Variants in SIRT3 observed in about 807,000 individuals in gnomAD.
The protein encoded by SIRT3 is NAD-dependent protein deacetylase sirtuin-3, mitochondrial.
In SIRT3, 26 loss-of-function variants were observed where a neutral mutation model predicts 33.5. That is an observed-to-expected ratio of 0.78 (90% CI 0.57 to 1.08). SIRT3 has a LOEUF of 1.08. Among genes scored for constraint, SIRT3 ranks in the 50% least tolerant of loss-of-function variants. The pLI is 0.00. For missense variants in SIRT3, 585 were observed against 530.1 expected (o/e 1.10, Z -1.02); for synonymous variants, 237 against 222.1 (o/e 1.07, Z -0.60).
At chr11:220,787 G>T (rs1856344159) in intron 5 of SIRT3, among the ~76,000 whole-genome samples, 1 of 151,778 alleles carries the variant, frequency 6.6e-6, no homozygotes, top group Admixed American at 6.6e-5. Flanking sequence ...TACCCTTCAG[G>T]AGTACTTGCA....
intron 6 of SIRT3, 194 bp downstream of exon 6, chr11:218,638 C>G (rs1590100342): frequency 9.6e-7 from 1 of 1,039,276 alleles, no homozygotes; most frequent in East Asian, 2.6e-5. Flanking sequence ...CTGTTAGCAT[C>G]TGTTTCCTCA....
chr11:222,700 C>G (rs1301388931), intron 5 of SIRT3: 1 of 152,538 alleles, frequency 6.6e-6, no homozygotes, highest in Non-Finnish European at 1.5e-5. Context: ...ACCCATTCAC[C>G]TTCTGAGGTG....
intron 3 of SIRT3, among the ~76,000 whole-genome samples, chr11:232,575 G>T (rs1335460343): frequency 6.6e-6 from 1 of 152,182 alleles, no homozygotes; most frequent in Non-Finnish European, 1.5e-5. Flanking sequence ...AGAACTGGCT[G>T]TGTGCTGGTG....
At chr11:224,788 GGTGAA>G (rs1181076972) in intron 4 of SIRT3, among the ~76,000 whole-genome samples, 1 of 152,046 alleles carries the variant, frequency 6.6e-6, no homozygotes, top group African/African-American at 2.4e-5. Context: ...TACTGGCCAA[GGTGAA>G]GTGGACACAA....
At chr11:217,438 A>T (rs577166947) in intron 6 of SIRT3, among the ~76,000 whole-genome samples, 1 of 152,356 alleles carries the variant, frequency 6.6e-6, no homozygotes, top group Non-Finnish European at 1.5e-5. Context: ...AACAAGAGTG[A>T]AACTCCATTA....
Sources: allele counts gnomAD v4.1 joint callset (sites outside exome capture counted in the v4.1 genomes callset), GRCh38; gene constraint gnomAD v4.1.1; transcripts MANE v1.5; gene names NCBI Gene and HGNC (gene_info 2026-07-23, HGNC 2026-07-21).